Variants in MYOCD observed in about 807,000 individuals in gnomAD.
The protein encoded by MYOCD is myocardin.
Under a neutral mutation model 96.1 loss-of-function variants are expected in MYOCD, and 32 were observed. The ratio of observed to expected loss-of-function variants is 0.33; its 90% CI spans 0.25 to 0.45. The LOEUF (loss-of-function observed/expected upper bound fraction) is 0.45. Ranked by LOEUF, MYOCD falls within the 20% of genes least tolerant of loss-of-function variation. The pLI is 1.00. For missense variants in MYOCD, 1,133 were observed against 1,200.6 expected (o/e 0.94, Z 0.83); for synonymous variants, 469 against 469.0 (o/e 1.00, Z 0.00).
At chr17:12,733,215 C>T (rs1333070052) in intron 5 of MYOCD, among the ~76,000 whole-genome samples, 1 of 149,984 alleles carries the variant, frequency 6.7e-6, no homozygotes, top group Non-Finnish European at 1.5e-5. Flanking sequence ...GAGGTTGAGA[C>T]AGGAGAATTA....
intron 1 of MYOCD, among the ~76,000 whole-genome samples, chr17:12,680,520 A>G (rs1337760026): frequency 1.3e-5 from 2 of 152,180 alleles, no homozygotes; most frequent in East Asian, 1.9e-4. Flanking sequence ...CCTTTGTCTC[A>G]GGCATCTCTG....
intron 10 of MYOCD, 151 bp from the exon 11 acceptor site, chr17:12,756,263 A>G (rs2033008721): frequency 2.2e-6 from 2 of 896,800 alleles, no homozygotes; most frequent in Non-Finnish European, 3.5e-6. Flanking sequence ...CTAAAAAGCC[A>G]GATTTTAGGC....
At chr17:12,711,473 A>G (rs1269805646) in intron 2 of MYOCD, among the ~76,000 whole-genome samples, 1 of 152,216 alleles carries the variant, frequency 6.6e-6, no homozygotes, top group African/African-American at 2.4e-5. Flanking sequence ...TCCTACATGC[A>G]TTAATTATTA....
chr17:12,739,160 T>C, intron 6 of MYOCD, 43 bp from the exon 7 acceptor site: 1 of 1,577,238 alleles, frequency 6.3e-7, no homozygotes. Flanking sequence ...GTCACACAAC[T>C]TATTCCTGTA....
chr17:12,690,403 G>A (rs1450948230), intron 1 of MYOCD, among the ~76,000 whole-genome samples: 1 of 152,066 alleles, frequency 6.6e-6, no homozygotes. Flanking sequence ...GTCCTGGTAA[G>A]AGTACAAAAT....
intron 7 of MYOCD, among the ~76,000 whole-genome samples, chr17:12,739,911 G>T (rs2032455417): frequency 6.6e-6 from 1 of 151,972 alleles, no homozygotes; most frequent in Non-Finnish European, 1.5e-5. Flanking sequence ...ACACAGAGAA[G>T]TTCTTTAGTG....
chr17:12,757,203 G>C (rs1216280630), intron 11 of MYOCD, among the ~76,000 whole-genome samples: 1 of 152,136 alleles, frequency 6.6e-6, no homozygotes, highest in Non-Finnish European at 1.5e-5. Flanking sequence ...GGTGGAAGAA[G>C]TCAGGGGTAT....
chr17:12,693,368 G>C (rs112127421), intron 1 of MYOCD, among the ~76,000 whole-genome samples: 3,663 of 151,976 alleles, frequency 0.024, 129 homozygotes, highest in East Asian at 0.12. Flanking sequence ...CCAGCACTTT[G>C]GGAGGCCGAG....
chr17:12,683,671 T>G (rs2029934214), intron 1 of MYOCD, among the ~76,000 whole-genome samples: 1 of 152,186 alleles, frequency 6.6e-6, no homozygotes, highest in Non-Finnish European at 1.5e-5. Context: ...TTGTTTGAGT[T>G]TCCTGGGAGA....
intron 7 of MYOCD, among the ~76,000 whole-genome samples, chr17:12,743,602 C>A (rs1048127984): frequency 1.1e-4 from 16 of 150,542 alleles, no homozygotes; most frequent in African/African-American, 3.7e-4. Flanking sequence ...AAGCAATTCT[C>A]CTGCCTCAGT....
chr17:12,697,353 ATATATATTTTTT>A lies in MYOCD; in HGVS notation c.56-7773_56-7762del, dbSNP rs1452099899. 7.5e-3 allele frequency among the ~76,000 whole-genome samples: 651 copies of A among 86,720 alleles called. 7 individuals carry two copies. The highest frequency in any genetic ancestry group is 0.033 in the African/African-American group (604 of 18,070). The allele number at this position is 86,720 out of a possible 152,430, so 56.9% of individuals were successfully genotyped here. On this transcript the variant is annotated intron_variant, in intron 1 of 13. Coordinates refer to ENST00000425538, the MANE Select transcript of MYOCD (RefSeq NM_001146312.3). ...TATAGGAGTATATATATATATATAT[ATATATATTTTTT>A]TTTTTTTTTTTTTTTGAGACGGGGT...
chr17:12,707,320 C>T (rs1048204991), intron 2 of MYOCD, among the ~76,000 whole-genome samples: 5 of 152,078 alleles, frequency 3.3e-5, no homozygotes, highest in Non-Finnish European at 5.9e-5. Context: ...GCTATGTACA[C>T]GGGACCATGC....
chr17:12,707,254 A>T (rs1307609703), intron 2 of MYOCD, among the ~76,000 whole-genome samples: 1 of 152,218 alleles, frequency 6.6e-6, no homozygotes, highest in African/African-American at 2.4e-5. Context: ...AGAGGAACCA[A>T]GGGCCTCAGG....
chr17:12,766,717 C>T lies in MYOCD; in HGVS notation c.*3073C>T, dbSNP rs2033348527. 2 of 152,208 alleles carry T rather than the reference C, an allele frequency of 1.3e-5. No homozygotes were observed. Among genetic ancestry groups the T allele is most frequent in the African/African-American group, 4.8e-5 (2 of 41,460 alleles). The allele number at this position is 152,208 out of a possible 1,614,324, so 9.4% of individuals were successfully genotyped here. Reference sequence around the variant, plus strand: ...ATGGTCACATTCAAGTTCCCTAATGCTCTTAGAACCTGAAGATGACCATGT... The same window carrying T: ...ATGGTCACATTCAAGTTCCCTAATGTTCTTAGAACCTGAAGATGACCATGT... On this transcript the variant is annotated 3_prime_UTR_variant, in exon 14 of 14. Transcript: ENST00000425538.
chr17:12,738,526 C>T (rs1370353791), intron 6 of MYOCD, among the ~76,000 whole-genome samples: 6 of 152,030 alleles, frequency 3.9e-5, no homozygotes, highest in Non-Finnish European at 7.4e-5. Flanking sequence ...CCTGTGTGCA[C>T]ACATGTGCAC....
Position 12,734,930 on chromosome 17 carries a change from C to T in MYOCD, c.416-1231C>T, listed in dbSNP as rs1447588268. Among the ~76,000 whole-genome samples, 6 of 152,384 alleles carry T rather than the reference C, an allele frequency of 3.9e-5. 1 individual carries two copies. The highest frequency in any genetic ancestry group is 3.9e-4 in the Admixed American group (6 of 15,302). On this transcript the variant is annotated intron_variant, in intron 5 of 13. Transcript: ENST00000425538. ...GAGCAGAAATGCTCAGCCCCAAACC[C>T]TTCCCAGTTAGTGGGCCGCCCCATG... is the stretch of plus-strand genomic sequence containing the variant.
At chr17:12,744,151 A>C in intron 7 of MYOCD, 32 bp from the exon 8 acceptor site, 1 of 1,609,002 alleles carries the variant, frequency 6.2e-7, no homozygotes, top group Non-Finnish European at 8.5e-7. Flanking sequence ...CCATCACCTA[A>C]AGCACATGCA....
intron 8 of MYOCD, among the ~76,000 whole-genome samples, chr17:12,745,260 A>T (rs1212950336): frequency 6.6e-6 from 1 of 151,826 alleles, no homozygotes; most frequent in Non-Finnish European, 1.5e-5. Context: ...CCCAGGCTGG[A>T]GTGCAATGGC....
At chr17:12,733,971 C>A (rs1243984001) in intron 5 of MYOCD, among the ~76,000 whole-genome samples, 1 of 152,106 alleles carries the variant, frequency 6.6e-6, no homozygotes, top group Non-Finnish European at 1.5e-5. Context: ...GCTGCCACTG[C>A]TAGGTAAACT....
Sources: gnomAD v4.1 joint callset for allele counts (sites outside exome capture counted in the v4.1 genomes callset) on GRCh38, gnomAD v4.1.1 for gene constraint, MANE v1.5 for transcripts, NCBI Gene and HGNC (gene_info 2026-07-23, HGNC 2026-07-21) for gene names.